JMJD1C: variants seen among roughly 807,000 people sequenced by gnomAD.
JMJD1C encodes the protein jumonji domain-containing protein 1C.
JMJD1C carries 31 observed loss-of-function variants against 245.3 expected under a neutral mutation model. That is an observed-to-expected ratio of 0.13 (90% CI 0.09 to 0.17). The LOEUF (loss-of-function observed/expected upper bound fraction) is 0.17. Among genes scored for constraint, JMJD1C ranks in the 10% least tolerant of loss-of-function variants. The probability of loss-of-function intolerance (pLI) is 1.00; values close to 1 mark genes in which losing one functional copy is unlikely to be tolerated. For missense variants in JMJD1C, 2,691 were observed against 3,000.2 expected, an observed-to-expected ratio of 0.90 and a Z score of 2.41; for synonymous variants, 1,057 against 1,017.4, an observed-to-expected ratio of 1.04 and a Z score of -0.74.
In JMJD1C at chr10:63,192,998, G is replaced by C; in HGVS notation, c.6016C>G (p.Gln2006Glu). The C allele has an allele frequency of 3.7e-6, 6 of 1,614,058 alleles. No individual in the cohort carries two copies. The highest frequency in any genetic ancestry group is 5.1e-6 in the Non-Finnish European group (6 of 1,179,996). The change falls in exon 16 of 26, where the codon CAG (glutamine) becomes GAG (glutamate). Residue 2006 changes from glutamine to glutamate, a missense_variant. Transcript: ENST00000399262. ...TCTGCTAACCAGTGCAGTGGTGACT[G>C]GGATTCTGGAGGAGTTAACTTGTTA... ...TDNKLTPPES[Q>E]SPLHWLADLA...
intron 1 of JMJD1C, chr10:63,465,119 G>A (rs1045556746): frequency 3.0e-5 from 8 of 265,300 alleles, no homozygotes; most frequent in East Asian, 2.5e-4. Flanking sequence ...GCCGCCTGTC[G>A]CCATGAGTGG....
chr10:63,239,993 C>T (rs924132003), intron 3 of JMJD1C, among the ~76,000 whole-genome samples: 6 of 152,164 alleles, frequency 3.9e-5, no homozygotes, highest in Non-Finnish European at 8.8e-5. Flanking sequence ...TTTGTCATCG[C>T]ATTTATTACA....
intron 2 of JMJD1C, among the ~76,000 whole-genome samples, chr10:63,321,818 T>A (rs968144991): frequency 6.6e-6 from 1 of 152,216 alleles, no homozygotes; most frequent in African/African-American, 2.4e-5. Flanking sequence ...CTATTTTTTC[T>A]TCTGATAGCC....
chr10:63,289,493 T>C (rs1195786460), intron 2 of JMJD1C, among the ~76,000 whole-genome samples: 1 of 152,236 alleles, frequency 6.6e-6, no homozygotes, highest in Non-Finnish European at 1.5e-5. Flanking sequence ...TGGGAGTATT[T>C]GTTTTTTCTA....
At chr10:63,468,409 A>C (rs1953385258), upstream of JMJD1C, among the ~76,000 whole-genome samples, 3 of 152,218 alleles carry the variant, frequency 2.0e-5, no homozygotes, top group South Asian at 6.2e-4. Flanking sequence ...TATTTTTATT[A>C]TTTTATTTTT....
chr10:63,398,739 G>A (rs1948670193), intron 1 of JMJD1C, among the ~76,000 whole-genome samples: 1 of 151,998 alleles, frequency 6.6e-6, no homozygotes, highest in African/African-American at 2.4e-5. Context: ...CACCTCCCAG[G>A]TTCGAGCGAT....
chr10:63,420,956 A>C (rs757133951), intron 1 of JMJD1C, among the ~76,000 whole-genome samples: 1 of 152,178 alleles, frequency 6.6e-6, no homozygotes, highest in African/African-American at 2.4e-5. Context: ...ATTGAAACTG[A>C]TAACTTTCTG....
chr10:63,201,578 C>T (rs181575466), intron 10 of JMJD1C, among the ~76,000 whole-genome samples: 1 of 151,956 alleles, frequency 6.6e-6, no homozygotes, highest in Non-Finnish European at 1.5e-5. Flanking sequence ...ATTTCTGGAC[C>T]GAGAGGAACT....
chr10:63,271,564 T>C (rs1856300835), intron 2 of JMJD1C, among the ~76,000 whole-genome samples: 1 of 152,076 alleles, frequency 6.6e-6, no homozygotes, highest in Admixed American at 6.5e-5. Flanking sequence ...AAAAAAAATT[T>C]TTTTGAGATA....
rs1299364148 is a variant in JMJD1C, at chr10:63,488,781, T to C, written n.113+32957A>G. 2.0e-5 allele frequency among the ~76,000 whole-genome samples: 3 copies of C among 152,164 alleles called. No homozygotes were observed. The East Asian group carries it at 5.8e-4, about 29-fold the overall frequency. On this transcript the variant is annotated intron_variant and non_coding_transcript_variant, in intron 1 of 3. Coordinates refer to the JMJD1C transcript ENST00000633035. ...AACAGCCTAATTTTGCTAAGGGAAA[T>C]TGATAACCTGCAGTGGGTGTTGAGA...
chr10:63,474,725 C>G (rs1369717880), intron 1 of JMJD1C, among the ~76,000 whole-genome samples: 2 of 152,120 alleles, frequency 1.3e-5, no homozygotes, highest in African/African-American at 4.8e-5. Flanking sequence ...GCTGGGACTG[C>G]AGGCATGAGC....
intron 1 of JMJD1C, among the ~76,000 whole-genome samples, chr10:63,440,119 G>C (rs1232917385): frequency 1.3e-5 from 2 of 152,146 alleles, no homozygotes; most frequent in Non-Finnish European, 2.9e-5. Context: ...CGGATCACCT[G>C]AGGTGAAGAG....
At chr10:63,284,856 T>G (rs1381737587) in intron 2 of JMJD1C, among the ~76,000 whole-genome samples, 2 of 101,054 alleles carry the variant, frequency 2.0e-5, no homozygotes, top group South Asian at 3.5e-4. Context: ...GCAGGGAAGA[T>G]TCACACACAC....
chr10:63,198,530 G>A lies in JMJD1C; in HGVS notation c.5474C>T (p.Ser1825Phe). The A allele has an allele frequency of 6.3e-7, 1 of 1,595,826 alleles. No homozygotes were observed. The highest frequency in any genetic ancestry group is 8.6e-7 in the Non-Finnish European group (1 of 1,167,932). The change falls in exon 12 of 26, where the codon TCC (serine) becomes TTC (phenylalanine). Residue 1825 changes from serine (S) to phenylalanine (F), a missense_variant. Ser to Phe is a radical substitution (Grantham distance 155, BLOSUM62 -2). Coordinates refer to ENST00000399262, the MANE Select transcript of JMJD1C (RefSeq NM_032776.3). ...QLVTSEKTAL[S>F]WVKKDAKIAW... Reference sequence around the variant, plus strand: ...TTCCTTACCATCCTTTTTCACCCAGGACAAAGCTGTTTTTTCAGATGTTAC... The same window carrying A: ...TTCCTTACCATCCTTTTTCACCCAGAACAAAGCTGTTTTTTCAGATGTTAC...
chr10:63,322,161 T>A (rs1310665081), intron 2 of JMJD1C, among the ~76,000 whole-genome samples: 1 of 152,202 alleles, frequency 6.6e-6, no homozygotes, highest in Non-Finnish European at 1.5e-5. Context: ...TTCTCTCTCA[T>A]GTTGGGAAAG....
At chr10:63,483,623 C>T (rs1210771484) in intron 1 of JMJD1C, among the ~76,000 whole-genome samples, 1 of 152,150 alleles carries the variant, frequency 6.6e-6, no homozygotes, top group Non-Finnish European at 1.5e-5. Flanking sequence ...CCCATCCCTC[C>T]CCCTTTTGCC....
chr10:63,256,583 C>A (rs1057462100), intron 3 of JMJD1C, among the ~76,000 whole-genome samples: 1 of 152,198 alleles, frequency 6.6e-6, no homozygotes, highest in Non-Finnish European at 1.5e-5. Context: ...CTATTGCAAG[C>A]TGTCACTTTT....
intron 1 of JMJD1C, among the ~76,000 whole-genome samples, chr10:63,388,330 G>C (rs1947790814): frequency 6.7e-6 from 1 of 149,798 alleles, no homozygotes; most frequent in African/African-American, 2.5e-5. Flanking sequence ...GGGATAATAG[G>C]TTCAAAAAGC....
Position 63,392,636 on chromosome 10 carries a change from C to T in JMJD1C, c.169-12154G>A, listed in dbSNP as rs182412063. 1.2e-4 allele frequency among the ~76,000 whole-genome samples: 18 copies of T among 151,796 alleles called. No individual in the cohort carries two copies. In the East Asian group the frequency reaches 3.1e-3, roughly 26 times the overall value. On this transcript the variant is annotated intron_variant, in intron 1 of 25. Coordinates refer to ENST00000399262, the MANE Select transcript of JMJD1C (RefSeq NM_032776.3). ...GGTCAAGAAATCAAGACCATTCTGG[C>T]CAACACGGTGAAACCCCATCTCTAC...
Sources: allele counts gnomAD v4.1 joint callset (sites outside exome capture counted in the v4.1 genomes callset), GRCh38; gene constraint gnomAD v4.1.1; transcripts MANE v1.5; gene names NCBI Gene and HGNC (gene_info 2026-07-23, HGNC 2026-07-21).